AKAP19: variants seen among roughly 807,000 people sequenced by gnomAD.
The protein encoded by AKAP19 is A-kinase anchoring protein 19.
At chr2:190,137,049 A>G in the AKAP19 span, among the ~76,000 whole-genome samples, 7 of 152,224 alleles carry the variant, frequency 4.6e-5, no homozygotes, top group East Asian at 9.6e-4. Context: ...CAGAACAGGG[A>G]CAATCATACT....
At chr2:190,191,379 A>C in the AKAP19 span, among the ~76,000 whole-genome samples, 1 of 152,184 alleles carries the variant, frequency 6.6e-6, no homozygotes, top group African/African-American at 2.4e-5. Context: ...TCCTGACCTC[A>C]GGTGATCTAC....
At chr2:190,191,460 T>G in the AKAP19 span, among the ~76,000 whole-genome samples, 24 of 152,294 alleles carry the variant, frequency 1.6e-4, no homozygotes, top group African/African-American at 5.5e-4. Context: ...ACAATTTTTT[T>G]ATGTGAACAC....
At chr2:190,174,765 A>G in the AKAP19 span, among the ~76,000 whole-genome samples, 1 of 152,244 alleles carries the variant, frequency 6.6e-6, no homozygotes, top group Non-Finnish European at 1.5e-5. Context: ...TTATACTCAC[A>G]TTTGTAAGCA....
the AKAP19 span, among the ~76,000 whole-genome samples, chr2:189,965,708 A>G: frequency 6.6e-6 from 1 of 152,236 alleles, no homozygotes; most frequent in African/African-American, 2.4e-5. Flanking sequence ...GTGGGAATGT[A>G]AACTGGTACA....
chr2:190,184,517 A>C, the AKAP19 span, among the ~76,000 whole-genome samples: 11,705 of 152,224 alleles, frequency 0.077, 1,050 homozygotes, highest in African/African-American at 0.22. Context: ...AAATAAAGAA[A>C]AAAATAACTC....
chr2:190,166,317 CTTTTT>C, the AKAP19 span, among the ~76,000 whole-genome samples: 11 of 65,300 alleles, frequency 1.7e-4, no homozygotes, highest in Non-Finnish European at 2.6e-4. Flanking sequence ...AAAATCCACT[CTTTTT>C]TTTTTTTTTT....
At chr2:190,040,554 G>T in the AKAP19 span, among the ~76,000 whole-genome samples, 2 of 152,084 alleles carry the variant, frequency 1.3e-5, no homozygotes, top group Non-Finnish European at 2.9e-5. Flanking sequence ...TGCTTTGATT[G>T]CAATTGCTTT....
At chr2:190,016,028 C>A in the AKAP19 span, among the ~76,000 whole-genome samples, 2 of 152,192 alleles carry the variant, frequency 1.3e-5, no homozygotes, top group African/African-American at 4.8e-5. Flanking sequence ...CAAAACCATT[C>A]AACAAGTCTC....
chr2:190,117,350 T>C, the AKAP19 span, among the ~76,000 whole-genome samples: 1 of 152,200 alleles, frequency 6.6e-6, no homozygotes, highest in African/African-American at 2.4e-5. Flanking sequence ...TATCCTATAA[T>C]GTTATTGTGA....
At chr2:190,147,784 T>C in the AKAP19 span, among the ~76,000 whole-genome samples, 1 of 151,804 alleles carries the variant, frequency 6.6e-6, no homozygotes, top group Non-Finnish European at 1.5e-5. Flanking sequence ...GTAAAAGGGG[T>C]TGAGTTCTTG....
At chr2:190,124,822 T>A in the AKAP19 span, among the ~76,000 whole-genome samples, 1 of 152,178 alleles carries the variant, frequency 6.6e-6, no homozygotes, top group Non-Finnish European at 1.5e-5. Context: ...TGTACAAAAA[T>A]ATTTTTTCTT....
chr2:190,072,463 A>T, the AKAP19 span, among the ~76,000 whole-genome samples: 2 of 152,198 alleles, frequency 1.3e-5, no homozygotes, highest in East Asian at 3.8e-4. Flanking sequence ...CACTTCATGG[A>T]TCAAACAGTT....
At chr2:189,978,005 TGC>T in the AKAP19 span, among the ~76,000 whole-genome samples, 1 of 152,226 alleles carries the variant, frequency 6.6e-6, no homozygotes, top group South Asian at 2.1e-4. Flanking sequence ...TAGAAGATTT[TGC>T]CTAATCATAG....
At chr2:190,174,020 T>C in the AKAP19 span, among the ~76,000 whole-genome samples, 1 of 152,006 alleles carries the variant, frequency 6.6e-6, no homozygotes, top group African/African-American at 2.4e-5. Context: ...TCTGTAACCA[T>C]CCCTCCCACC....
At chr2:189,917,544 C>G in the AKAP19 span, 6 of 545,876 alleles carry the variant, frequency 1.1e-5, no homozygotes, top group South Asian at 1.3e-4. Flanking sequence ...TTGAAGAGCT[C>G]TTACTCTTCT....
the AKAP19 span, among the ~76,000 whole-genome samples, chr2:190,046,492 A>G: frequency 6.6e-6 from 1 of 152,176 alleles, no homozygotes; most frequent in Admixed American, 6.5e-5. Flanking sequence ...TTTCATTTAT[A>G]CTAGTATATA....
At chr2:189,996,426 CA>C in the AKAP19 span, among the ~76,000 whole-genome samples, 1 of 152,150 alleles carries the variant, frequency 6.6e-6, no homozygotes, top group Non-Finnish European at 1.5e-5. Flanking sequence ...CTGTGTCTTT[CA>C]TTTCCAGAAG....
the AKAP19 span, among the ~76,000 whole-genome samples, chr2:190,085,710 C>A: frequency 6.6e-6 from 1 of 152,154 alleles, no homozygotes; most frequent in Non-Finnish European, 1.5e-5. Flanking sequence ...TTGGTAATGA[C>A]CTCACTGTCA....
chr2:189,991,494 C>T, the AKAP19 span, among the ~76,000 whole-genome samples: 1 of 152,094 alleles, frequency 6.6e-6, no homozygotes, highest in Non-Finnish European at 1.5e-5. Flanking sequence ...TTGTATATCT[C>T]TTTTGAGAAC....
Sources: gnomAD v4.1 joint callset for allele counts (sites outside exome capture counted in the v4.1 genomes callset) on GRCh38, gnomAD v4.1.1 for gene constraint, MANE v1.5 for transcripts, NCBI Gene and HGNC (gene_info 2026-07-23, HGNC 2026-07-21) for gene names.